PTPN4: variants seen among roughly 807,000 people sequenced by gnomAD.
PTPN4 encodes tyrosine-protein phosphatase non-receptor type 4.
In PTPN4, 49 loss-of-function variants were observed where a neutral mutation model predicts 135.5. The ratio of observed to expected loss-of-function variants is 0.36; its 90% CI spans 0.29 to 0.46. The LOEUF (loss-of-function observed/expected upper bound fraction) is 0.46, where lower values mean the gene tolerates loss of function less well. PTPN4 is among the 20% of genes least tolerant of loss of function. PTPN4 has a pLI of 1.00. For missense variants in PTPN4, 860 were observed against 1,101.0 expected (o/e 0.78, Z 3.10); for synonymous variants, 333 against 369.9 (o/e 0.90, Z 1.14).
chr2:119,972,422 A>G (rs1679550408), intron 26 of PTPN4, among the ~76,000 whole-genome samples: 1 of 152,150 alleles, frequency 6.6e-6, no homozygotes, highest in African/African-American at 2.4e-5. Flanking sequence ...TGTTTCCTTT[A>G]TTAACCAATA....
intron 15 of PTPN4, among the ~76,000 whole-genome samples, chr2:119,944,825 T>G (rs1679109741): frequency 6.6e-6 from 1 of 152,188 alleles, no homozygotes; most frequent in Non-Finnish European, 1.5e-5. Context: ...TTTACTTTGT[T>G]ATAATAGATT....
At chr2:119,881,252 A>G (rs1678073370) in intron 5 of PTPN4, among the ~76,000 whole-genome samples, 1 of 152,238 alleles carries the variant, frequency 6.6e-6, no homozygotes, top group Non-Finnish European at 1.5e-5. Flanking sequence ...CTGCCCCGCC[A>G]ATCAAAGAGA....
rs1679706117 is a variant in PTPN4, at chr2:119,982,212, T to C, written c.*5142T>C. On this transcript the variant is annotated 3_prime_UTR_variant, in exon 27 of 27. Transcript: ENST00000263708. ...TTAAACACTGTAGAGTTTCCTACCT[T>C]TGTTGTGTAAAGGATATAGAAAATA... is the stretch of plus-strand genomic sequence containing the variant. 1 of 152,168 alleles carries C rather than the reference T, an allele frequency of 6.6e-6. No homozygotes were observed. The highest frequency in any genetic ancestry group is 1.5e-5 in the Non-Finnish European group (1 of 68,020). The allele number at this position is 152,168 out of a possible 1,614,324, so 9.4% of individuals were successfully genotyped here.
At chr2:119,915,765 G>C (rs1156940587) in intron 11 of PTPN4, 1 of 152,082 alleles carries the variant, frequency 6.6e-6, no homozygotes, top group African/African-American at 2.4e-5. Context: ...GATTTTGTCT[G>C]TTTCATTAAA....
intron 13 of PTPN4, among the ~76,000 whole-genome samples, chr2:119,928,415 T>C (rs114919888): frequency 8.2e-4 from 125 of 152,268 alleles, no homozygotes; most frequent in African/African-American, 2.8e-3. Flanking sequence ...TGAATTAACA[T>C]TAATAGAAGA....
intron 2 of PTPN4, among the ~76,000 whole-genome samples, chr2:119,831,093 G>C (rs1300892796): frequency 6.6e-6 from 1 of 152,134 alleles, no homozygotes; most frequent in African/African-American, 2.4e-5. Flanking sequence ...GGATGAAACA[G>C]TTCTACCTGA....
intron 5 of PTPN4, among the ~76,000 whole-genome samples, chr2:119,878,419 C>G (rs1678017246): frequency 6.6e-6 from 1 of 152,042 alleles, no homozygotes; most frequent in Non-Finnish European, 1.5e-5. Flanking sequence ...TGACTACATT[C>G]AGAATTACTC....
chr2:119,919,549 C>G (rs1574404426), intron 11 of PTPN4, among the ~76,000 whole-genome samples: 1 of 152,072 alleles, frequency 6.6e-6, no homozygotes, highest in East Asian at 1.9e-4. Context: ...ACAAGGCCAG[C>G]ACGGGGGCTC....
chr2:119,919,561 T>C (rs1318855681), intron 11 of PTPN4, among the ~76,000 whole-genome samples: 2 of 152,068 alleles, frequency 1.3e-5, no homozygotes, highest in Admixed American at 1.3e-4. Flanking sequence ...CGGGGGCTCA[T>C]GATATAATCC....
At chr2:119,898,098 CATA>C (rs1558758234) in intron 9 of PTPN4, among the ~76,000 whole-genome samples, 18 of 152,182 alleles carry the variant, frequency 1.2e-4, no homozygotes, top group African/African-American at 4.3e-4. Flanking sequence ...AACAACAAAA[CATA>C]ACTGGTCCTT....
chr2:119,893,539 C>T (rs756313795), intron 9 of PTPN4, among the ~76,000 whole-genome samples: 4 of 151,870 alleles, frequency 2.6e-5, no homozygotes, highest in Non-Finnish European at 5.9e-5. Context: ...GAATTGTTAG[C>T]GTATAGTTAA....
chr2:119,882,370 G>A, intron 7 of PTPN4, 133 bp from the exon 8 acceptor site: 1 of 1,069,492 alleles, frequency 9.4e-7, no homozygotes, highest in Non-Finnish European at 1.3e-6. Flanking sequence ...GGATTGCTGT[G>A]GCTTGCTTAA....
At chr2:119,903,094 G>T (rs754261911) in intron 10 of PTPN4, among the ~76,000 whole-genome samples, 2 of 152,120 alleles carry the variant, frequency 1.3e-5, no homozygotes, top group South Asian at 4.1e-4. Context: ...ACTGTATCTC[G>T]TGCAGTGTCC....
intron 1 of PTPN4, among the ~76,000 whole-genome samples, chr2:119,761,142 A>T (rs1312567451): frequency 6.6e-6 from 1 of 152,208 alleles, no homozygotes; most frequent in Non-Finnish European, 1.5e-5. Flanking sequence ...AGGTTTCAGT[A>T]ATACTAAGTT....
intron 26 of PTPN4, among the ~76,000 whole-genome samples, chr2:119,975,347 C>G (rs1198069532): frequency 6.6e-6 from 1 of 152,176 alleles, no homozygotes; most frequent in Non-Finnish European, 1.5e-5. Context: ...AATTCCTGGC[C>G]ACAAGTGATG....
In PTPN4 at chr2:119,955,861, T is replaced by C. The variant is rs538345125; in HGVS notation, c.1980+538T>C. ...CTGAGGCAGGAGAATGGCGTGAACC[T>C]GGGAGGCAGAGCTTGCAGTGAGCTG... On this transcript the variant is annotated intron_variant, in intron 20 of 26. Coordinates refer to ENST00000263708, the MANE Select transcript of PTPN4 (RefSeq NM_002830.4). Among the ~76,000 whole-genome samples the C allele has an allele frequency of 4.5e-4, 68 of 151,958 alleles. 1 individual carries two copies. Among genetic ancestry groups the C allele is most frequent in the African/African-American group, 1.6e-3 (65 of 41,432 alleles).
intron 1 of PTPN4, among the ~76,000 whole-genome samples, chr2:119,764,136 A>G (rs1690564605): frequency 6.6e-6 from 1 of 152,210 alleles, no homozygotes; most frequent in South Asian, 2.1e-4. Context: ...CTGTTTAGTC[A>G]GTTTCTCTTT....
rs1679738471 is a variant in PTPN4, at chr2:119,984,586, G to T, written c.*7516G>T. 6.6e-6 allele frequency among the ~76,000 whole-genome samples: 1 copy of T among 152,130 alleles called. No homozygotes were observed. The highest frequency in any genetic ancestry group is 6.5e-5 in the Admixed American group (1 of 15,270). Reference sequence around the variant, plus strand: ...ACACTGCATAATTTGAAATCACTCTGCATTTGTCACTGCAGCTTACTGTAT... The same window carrying T: ...ACACTGCATAATTTGAAATCACTCTTCATTTGTCACTGCAGCTTACTGTAT... On this transcript the variant is annotated 3_prime_UTR_variant, in exon 27 of 27. Coordinates refer to ENST00000263708, the MANE Select transcript of PTPN4 (RefSeq NM_002830.4).
intron 2 of PTPN4, among the ~76,000 whole-genome samples, chr2:119,845,865 T>C (rs1677491038): frequency 6.6e-6 from 1 of 152,212 alleles, no homozygotes; most frequent in Admixed American, 6.5e-5. Context: ...CTGCATCCCA[T>C]CAAATGTGAT....
Sources: gnomAD v4.1 joint callset for allele counts (sites outside exome capture counted in the v4.1 genomes callset) on GRCh38, gnomAD v4.1.1 for gene constraint, MANE v1.5 for transcripts, NCBI Gene and HGNC (gene_info 2026-07-23, HGNC 2026-07-21) for gene names.